TTLL9: variants seen among roughly 807,000 people sequenced by gnomAD.
TTLL9 encodes tubulin tyrosine ligase like 9, also known as probable tubulin polyglutamylase TTLL9.
Under a neutral mutation model 65.6 loss-of-function variants are expected in TTLL9, and 47 were observed. The observed-to-expected ratio is 0.72, with a 90% CI of 0.57 to 0.91. The LOEUF is 0.91. Among genes scored for constraint, TTLL9 ranks in the 40% least tolerant of loss-of-function variants. The pLI, the probability that TTLL9 is intolerant of heterozygous loss-of-function variation, is 0.00. For synonymous variants in TTLL9, 179 were observed against 204.8 expected (o/e 0.87, Z 1.07); for missense variants, 537 against 568.8 (o/e 0.94, Z 0.57).
chr20:31,919,695 G>A (rs1042017297), intron 6 of TTLL9, among the ~76,000 whole-genome samples, 169 bp from the exon 7 acceptor site: 1 of 152,098 alleles, frequency 6.6e-6, no homozygotes, highest in Non-Finnish European at 1.5e-5. Context: ...CCCTCTGCCA[G>A]GGTTAGCACC....
chr20:31,931,150 G>A (rs1361077950), intron 10 of TTLL9, among the ~76,000 whole-genome samples: 1 of 150,168 alleles, frequency 6.7e-6, no homozygotes, highest in Non-Finnish European at 1.5e-5. Context: ...CACAATCACG[G>A]TTCACTACAG....
chr20:31,879,048 T>C (rs568724682), intron 2 of TTLL9, among the ~76,000 whole-genome samples: 7 of 152,164 alleles, frequency 4.6e-5, no homozygotes, highest in African/African-American at 1.7e-4. Flanking sequence ...GCTGGCCGGG[T>C]GCAGTGGCTC....
chr20:31,919,433 T>C (rs1387373213), intron 6 of TTLL9, among the ~76,000 whole-genome samples: 1 of 152,000 alleles, frequency 6.6e-6, no homozygotes, highest in East Asian at 1.9e-4. Context: ...GATCAAAGAT[T>C]CTCTCAGCCC....
chr20:31,880,266 T>C (rs2063098852), intron 2 of TTLL9, among the ~76,000 whole-genome samples: 1 of 152,066 alleles, frequency 6.6e-6, no homozygotes, highest in African/African-American at 2.4e-5. Context: ...TGCCCGTCCA[T>C]CCGTCCATCC....
chr20:31,907,614 G>A lies in TTLL9; in HGVS notation c.207-977G>A, dbSNP rs193134891. Among the ~76,000 whole-genome samples the A allele has an allele frequency of 2.8e-3, 419 of 152,012 alleles. 1 individual carries two copies. The highest frequency in any genetic ancestry group is 9.7e-3 in the African/African-American group (403 of 41,486). On this transcript the variant is annotated intron_variant, in intron 4 of 14. Coordinates refer to ENST00000535842, the MANE Select transcript of TTLL9 (RefSeq NM_001008409.5). ...TGGGCACCTGTAATCCCAGCTACTC[G>A]GGAGGCTGAGGAAGGAAAATCGCTT...
At chr20:31,925,965 C>G in intron 9 of TTLL9, 84 bp from the exon 10 acceptor site, 5 of 1,583,652 alleles carry the variant, frequency 3.2e-6, no homozygotes, top group Non-Finnish European at 4.3e-6. Flanking sequence ...ACCAGTGTAT[C>G]CTGGGATCCT....
chr20:31,936,017 G>A (rs1014500016), intron 12 of TTLL9, among the ~76,000 whole-genome samples: 12 of 152,152 alleles, frequency 7.9e-5, no homozygotes, highest in African/African-American at 2.9e-4. Context: ...TGTAAAATGG[G>A]AAACACCATG....
rs139991179 is a variant in TTLL9, at chr20:31,903,509, T to A, written c.206+4944T>A. On this transcript the variant is annotated intron_variant, in intron 4 of 14. Coordinates refer to ENST00000535842, the MANE Select transcript of TTLL9 (RefSeq NM_001008409.5). ...TCCAATTCACCTATTTTTTCTTTTGTTGCTAGTGCTTTTGGTATCATATCT... is the reference window on the plus strand; with the variant it reads ...TCCAATTCACCTATTTTTTCTTTTGATGCTAGTGCTTTTGGTATCATATCT... 7.2e-5 allele frequency among the ~76,000 whole-genome samples: 11 copies of A among 152,280 alleles called. No homozygotes were observed. In the East Asian group the frequency reaches 1.9e-3, roughly 27 times the overall value.
chr20:31,908,518 G>A, intron 4 of TTLL9, 73 bp from the exon 5 acceptor site: 1 of 1,045,924 alleles, frequency 9.6e-7, no homozygotes, highest in Non-Finnish European at 1.5e-6. Flanking sequence ...CCCCTCGGCA[G>A]CACCTCCCTG....
chr20:31,887,128 T>C, intron 2 of TTLL9, 68 bp from the exon 3 acceptor site: 1 of 1,528,344 alleles, frequency 6.5e-7, no homozygotes, highest in Non-Finnish European at 9.1e-7. Flanking sequence ...ATATCTGCAG[T>C]AAGTTAACCT....
At chr20:31,928,796 C>G (rs1325084928) in intron 10 of TTLL9, among the ~76,000 whole-genome samples, 1 of 152,172 alleles carries the variant, frequency 6.6e-6, no homozygotes, top group African/African-American at 2.4e-5. Context: ...CTGGTATATT[C>G]ATGTTCCCAT....
chr20:31,898,373 A>G (rs2063416939), intron 3 of TTLL9, 100 bp from the exon 4 acceptor site: 1 of 926,874 alleles, frequency 1.1e-6, no homozygotes, highest in East Asian at 2.4e-5. Flanking sequence ...GGAACTTTCC[A>G]GGTATGGAAC....
At chr20:31,886,909 A>G (rs2063197531) in intron 2 of TTLL9, among the ~76,000 whole-genome samples, 1 of 152,222 alleles carries the variant, frequency 6.6e-6, no homozygotes, top group Admixed American at 6.5e-5. Context: ...TGACCTTTGG[A>G]GTACTGAAAA....
chr20:31,935,027 C>A, intron 12 of TTLL9, 139 bp downstream of exon 12: 1 of 817,930 alleles, frequency 1.2e-6, no homozygotes, highest in South Asian at 1.8e-5. Context: ...CTCAATTTGC[C>A]CATTTGTAAA....
chr20:31,931,204 C>T (rs2064003672), intron 10 of TTLL9, among the ~76,000 whole-genome samples: 2 of 151,886 alleles, frequency 1.3e-5, no homozygotes, highest in African/African-American at 4.8e-5. Flanking sequence ...CTCAGCCTCC[C>T]TTGTAGCTGG....
intron 6 of TTLL9, among the ~76,000 whole-genome samples, chr20:31,918,143 C>A (rs191613434): frequency 6.6e-6 from 1 of 152,006 alleles, no homozygotes; most frequent in African/African-American, 2.4e-5. Context: ...ACTTTCCCCC[C>A]ACCTCCCTCT....
chr20:31,926,439 C>T (rs1055996120), intron 10 of TTLL9, among the ~76,000 whole-genome samples: 7 of 152,102 alleles, frequency 4.6e-5, no homozygotes, highest in Admixed American at 1.3e-4. Context: ...ACGTTGCTGG[C>T]GGGATTGTAA....
At chr20:31,876,509 T>TA (rs1402609263) in intron 2 of TTLL9, among the ~76,000 whole-genome samples, 1 of 152,238 alleles carries the variant, frequency 6.6e-6, no homozygotes, top group East Asian at 1.9e-4. Context: ...AGTGGACATT[T>TA]AGATTGTTTC....
chr20:31,939,377 A>C, intron 14 of TTLL9, 111 bp downstream of exon 14: 1 of 1,288,920 alleles, frequency 7.8e-7, no homozygotes, highest in Non-Finnish European at 1.0e-6. Context: ...TCAATCTGCA[A>C]CTTACCAGCT....
Sources: allele counts gnomAD v4.1 joint callset (sites outside exome capture counted in the v4.1 genomes callset), GRCh38; gene constraint gnomAD v4.1.1; transcripts MANE v1.5; gene names NCBI Gene and HGNC (gene_info 2026-07-23, HGNC 2026-07-21).